The following SATB2 variants were observed in gnomAD, a reference collection of about 807,000 sequenced individuals.
SATB2 encodes the protein DNA-binding protein SATB2.
Under a neutral mutation model 73.4 loss-of-function variants are expected in SATB2, and 1 was observed. The ratio of observed to expected loss-of-function variants is 0.01; its 90% CI spans 0.00 to 0.06. The LOEUF (loss-of-function observed/expected upper bound fraction) is 0.06. SATB2 is among the 10% of genes least tolerant of loss of function. The pLI is 1.00. For missense variants in SATB2, 459 were observed against 945.8 expected, an observed-to-expected ratio of 0.49 and a Z score of 6.75; for synonymous variants, 397 against 367.0, an observed-to-expected ratio of 1.08 and a Z score of -0.93.
At chr2:199,415,480 T>C (rs1448492042) in intron 3 of SATB2, among the ~76,000 whole-genome samples, 2 of 152,238 alleles carry the variant, frequency 1.3e-5, no homozygotes, top group Non-Finnish European at 2.9e-5. Flanking sequence ...ATGTTTAAAA[T>C]TGTATTGCTA....
chr2:199,466,580 G>A (rs2105970188), upstream of SATB2, among the ~76,000 whole-genome samples: 1 of 152,300 alleles, frequency 6.6e-6, no homozygotes, highest in South Asian at 2.1e-4. Flanking sequence ...GGGCCAAGTA[G>A]AGTAGCTCAG....
Position 199,433,531 on chromosome 2 carries a change from C to T in SATB2, c.170-17G>A. 6.2e-7 allele frequency: 1 copy of T among 1,613,098 alleles called. No individual in the cohort carries two copies. The highest frequency in any genetic ancestry group is 8.5e-7 in the Non-Finnish European group (1 of 1,179,088). ...TCATCAAACCTGAAGGGACAAAATTCAAGAGCAAAACACAAACATTAAAAA... is the reference window on the plus strand; with the variant it reads ...TCATCAAACCTGAAGGGACAAAATTTAAGAGCAAAACACAAACATTAAAAA... On this transcript the variant is annotated splice_polypyrimidine_tract_variant and intron_variant, in intron 2 of 10. Coordinates refer to ENST00000417098, the MANE Select transcript of SATB2 (RefSeq NM_001172509.2).
intron 10 of SATB2, among the ~76,000 whole-genome samples, chr2:199,287,034 C>T (rs1692710200): frequency 6.6e-6 from 1 of 152,138 alleles, no homozygotes. Context: ...CTGGAAATTT[C>T]TAATACTTCA....
chr2:199,362,801 C>A (rs1689176831), intron 6 of SATB2, among the ~76,000 whole-genome samples: 1 of 152,070 alleles, frequency 6.6e-6, no homozygotes, highest in Non-Finnish European at 1.5e-5. Flanking sequence ...AAAGCAGGAA[C>A]TATGTCTTAT....
intron 3 of SATB2, among the ~76,000 whole-genome samples, chr2:199,397,302 C>A (rs1298217814): frequency 6.6e-6 from 1 of 152,152 alleles, no homozygotes; most frequent in Admixed American, 6.5e-5. Flanking sequence ...TAAATATCAC[C>A]ATTATCATCT....
At chr2:199,459,883 C>G (rs1016544872), upstream of SATB2, 1 of 152,600 alleles carries the variant, frequency 6.6e-6, no homozygotes, top group Non-Finnish European at 1.5e-5. This position sits in a 1 kb window ranked among gnomAD's most constrained non-coding sequence, Gnocchi z 4.2. Flanking sequence ...GCGGCATGCG[C>G]ACGGGCTTAG....
At chr2:199,289,567 G>A (rs1205716623) in intron 10 of SATB2, among the ~76,000 whole-genome samples, 1 of 152,174 alleles carries the variant, frequency 6.6e-6, no homozygotes, top group African/African-American at 2.4e-5. Flanking sequence ...CTTACCCTGT[G>A]TAGGTCGTCT....
At chr2:199,360,559 A>G (rs1263109522) in intron 6 of SATB2, among the ~76,000 whole-genome samples, 2 of 151,896 alleles carry the variant, frequency 1.3e-5, no homozygotes, top group Non-Finnish European at 2.9e-5. Context: ...CCCTCCTTAC[A>G]CATCTCCTTG....
In SATB2 at chr2:199,272,333, G is replaced by A; in HGVS notation, c.2080C>T (p.Leu694=). The part of the protein sequence containing the change: ...VDVAEYKDEE[L]LTESEENDSE... Reference sequence around the variant, plus strand: ...TCGTTCTCCTCTGACTCGGTCAGCAGCTCCTCGTCCTTATATTCAGCCACG... The same window carrying A: ...TCGTTCTCCTCTGACTCGGTCAGCAACTCCTCGTCCTTATATTCAGCCACG... The change falls in exon 11 of 11, where the codon CTG becomes TTG. Residue 694 remains leucine (L), a synonymous_variant. Transcript: ENST00000417098. The surrounding 1 kb of genome is among the most constrained non-coding windows in gnomAD (Gnocchi z 6.7). 1 of 1,614,160 alleles carries A rather than the reference G, an allele frequency of 6.2e-7. No individual in the cohort carries two copies.
At chr2:199,380,289 G>C in intron 5 of SATB2, 75 bp downstream of exon 5, 6 of 1,568,154 alleles carry the variant, frequency 3.8e-6, no homozygotes, top group Non-Finnish European at 5.3e-6. Flanking sequence ...AGTTGTTTAA[G>C]CAGAAGGAAC....
intron 9 of SATB2, among the ~76,000 whole-genome samples, chr2:199,317,538 T>C (rs976313721): frequency 6.6e-6 from 1 of 152,116 alleles, no homozygotes; most frequent in African/African-American, 2.4e-5. Flanking sequence ...AAACTAGTGA[T>C]AAGTTAAAAG....
intron 3 of SATB2, among the ~76,000 whole-genome samples, chr2:199,419,118 C>CT (rs1296785460): frequency 2.0e-5 from 3 of 152,146 alleles, no homozygotes; most frequent in Non-Finnish European, 4.4e-5. Flanking sequence ...TTTCAAAGCC[C>CT]TTTTAAAATT....
At chr2:199,446,636 T>C (rs1273724634) in intron 2 of SATB2, among the ~76,000 whole-genome samples, 2 of 152,244 alleles carry the variant, frequency 1.3e-5, no homozygotes, top group South Asian at 2.1e-4. Context: ...TTAAAGCTCA[T>C]GGCCTTCATC....
intron 3 of SATB2, among the ~76,000 whole-genome samples, chr2:199,391,101 G>A (rs918953228): frequency 1.3e-5 from 2 of 152,164 alleles, no homozygotes; most frequent in Admixed American, 6.5e-5. Context: ...ACTGGTAGAA[G>A]TGGCAACTGC....
At chr2:199,316,708 C>T (rs1339162229) in intron 9 of SATB2, among the ~76,000 whole-genome samples, 1 of 151,996 alleles carries the variant, frequency 6.6e-6, no homozygotes, top group African/African-American at 2.4e-5. Context: ...TTGTTGCCCT[C>T]CTTAGCATAC....
chr2:199,388,011 T>G (rs1192138793), intron 3 of SATB2, among the ~76,000 whole-genome samples: 1 of 152,222 alleles, frequency 6.6e-6, no homozygotes, highest in Non-Finnish European at 1.5e-5. Flanking sequence ...AGTAAATGCA[T>G]AATTCATATT....
At chr2:199,442,358 T>C (rs896863415) in intron 2 of SATB2, among the ~76,000 whole-genome samples, 17 of 152,196 alleles carry the variant, frequency 1.1e-4, no homozygotes, top group African/African-American at 3.4e-4. Flanking sequence ...GTGACCACTA[T>C]TGACAGAACT....
At chr2:199,429,005 CAAAAAAA>C (rs575684723) in intron 3 of SATB2, among the ~76,000 whole-genome samples, 1 of 62,672 alleles carries the variant, frequency 1.6e-5, no homozygotes, top group African/African-American at 5.1e-5. Context: ...GACTCTGTCT[CAAAAAAA>C]AAAAAAAAAA....
intron 10 of SATB2, among the ~76,000 whole-genome samples, chr2:199,277,175 C>T (rs890594906): frequency 6.6e-6 from 1 of 152,122 alleles, no homozygotes; most frequent in East Asian, 1.9e-4. Flanking sequence ...TGGGTTTCCA[C>T]TGAGGTTTAC....
Sources: allele counts gnomAD v4.1 joint callset (sites outside exome capture counted in the v4.1 genomes callset), GRCh38; gene constraint gnomAD v4.1.1; non-coding constraint Gnocchi (gnomAD v3.1); transcripts MANE v1.5; gene names NCBI Gene and HGNC (gene_info 2026-07-23, HGNC 2026-07-21).